FNBP1: variants seen among roughly 807,000 people sequenced by gnomAD.
FNBP1 encodes formin binding protein 1, also known as formin-binding protein 1.
A neutral mutation model predicts 90.6 loss-of-function variants in FNBP1; 26 were observed. The ratio of observed to expected loss-of-function variants is 0.29; its 90% confidence interval spans 0.21 to 0.40. The LOEUF is 0.40. Ranked by LOEUF, FNBP1 falls within the 10% of genes least tolerant of loss-of-function variation. FNBP1 has a pLI of 1.00. For synonymous variants in FNBP1, 260 were observed against 265.2 expected (o/e 0.98, Z 0.19); for missense variants, 635 against 768.0 (o/e 0.83, Z 2.05).
chr9:129,925,299 G>A, intron 8 of FNBP1, 142 bp from the exon 9 acceptor site: 3 of 635,816 alleles, frequency 4.7e-6, no homozygotes, highest in South Asian at 2.0e-5. Context: ...GAGGTCAGGA[G>A]ATCAAGACCA....
At chr9:129,963,386 CAT>C (rs894312660) in intron 4 of FNBP1, among the ~76,000 whole-genome samples, 16 of 152,132 alleles carry the variant, frequency 1.1e-4, no homozygotes, top group African/African-American at 3.6e-4. Context: ...TTGAAAAATC[CAT>C]AGAGTGGTTC....
intron 2 of FNBP1, among the ~76,000 whole-genome samples, chr9:129,985,588 G>A (rs1444890147): frequency 6.6e-6 from 1 of 152,126 alleles, no homozygotes; most frequent in African/African-American, 2.4e-5. Context: ...GGCCGAGGTG[G>A]GCAGGTCAAC....
Position 129,887,998 on chromosome 9 carries a change from A to C in FNBP1, c.*2541T>G, listed in dbSNP as rs1344830680. 2 of 232,608 alleles carry C rather than the reference A, an allele frequency of 8.6e-6. No homozygotes were observed. Among genetic ancestry groups the C allele is most frequent in the Non-Finnish European group, 1.7e-5 (2 of 117,694 alleles). 14.4% of individuals were successfully genotyped at this position (232,608 alleles called of 1,614,324 possible). Reference sequence around the variant, plus strand: ...AAGAAGCCCGGCTGGGGCAGCAGTGAGCTTTTCATGGAGCCACGCAGACTG... The same window carrying C: ...AAGAAGCCCGGCTGGGGCAGCAGTGCGCTTTTCATGGAGCCACGCAGACTG... On this transcript the variant is annotated 3_prime_UTR_variant, in exon 17 of 17. Coordinates refer to ENST00000446176, the MANE Select transcript of FNBP1 (RefSeq NM_015033.3).
intron 4 of FNBP1, among the ~76,000 whole-genome samples, chr9:129,977,701 A>C (rs997869925): frequency 5.9e-5 from 9 of 151,918 alleles, no homozygotes; most frequent in African/African-American, 2.2e-4. Context: ...CATGTTGACC[A>C]GCCTGATCGC....
intron 1 of FNBP1, among the ~76,000 whole-genome samples, chr9:130,018,034 C>A (rs956158986): frequency 6.0e-5 from 9 of 150,326 alleles, no homozygotes; most frequent in African/African-American, 2.0e-4. Flanking sequence ...CTGCCTCAGC[C>A]TCCCAAGTAG....
chr9:129,963,129 C>T (rs911411028), intron 4 of FNBP1, among the ~76,000 whole-genome samples: 2 of 152,188 alleles, frequency 1.3e-5, no homozygotes, highest in African/African-American at 4.8e-5. Context: ...AGCACCAATT[C>T]AGAGCTGTAC....
chr9:129,897,814 C>T (rs903628617), intron 15 of FNBP1, among the ~76,000 whole-genome samples: 1 of 151,950 alleles, frequency 6.6e-6, no homozygotes, highest in Non-Finnish European at 1.5e-5. Context: ...GGTTTAGAAA[C>T]ACTAAGCTAG....
At chr9:129,951,462 G>T (rs2132619207) in intron 6 of FNBP1, among the ~76,000 whole-genome samples, 1 of 131,898 alleles carries the variant, frequency 7.6e-6, no homozygotes. Context: ...GTTTGTTTGA[G>T]ACAGGATCTT....
intron 1 of FNBP1, among the ~76,000 whole-genome samples, chr9:130,024,252 C>G (rs995612878): frequency 6.6e-6 from 1 of 151,774 alleles, no homozygotes; most frequent in South Asian, 2.1e-4. Context: ...TCTACCCCCC[C>G]CAAAAAAACA....
At chr9:129,967,162 T>G (rs889322672) in intron 4 of FNBP1, among the ~76,000 whole-genome samples, 4 of 152,186 alleles carry the variant, frequency 2.6e-5, no homozygotes, top group Non-Finnish European at 4.4e-5. Context: ...TCCCATTTAT[T>G]GAGAACTGGA....
At chr9:130,030,595 C>T (rs2058717779) in intron 1 of FNBP1, among the ~76,000 whole-genome samples, 1 of 152,138 alleles carries the variant, frequency 6.6e-6, no homozygotes, top group African/African-American at 2.4e-5. Context: ...AAGCCTAGGG[C>T]TCCCATTGTC....
At chr9:129,898,542 G>C (rs923087339) in intron 15 of FNBP1, among the ~76,000 whole-genome samples, 48 of 151,950 alleles carry the variant, frequency 3.2e-4, no homozygotes, top group African/African-American at 1.1e-3. Flanking sequence ...CCAGGCTGGA[G>C]TAAAGTGGCA....
chr9:129,988,603 G>A (rs1345896658), intron 2 of FNBP1, among the ~76,000 whole-genome samples: 2 of 151,856 alleles, frequency 1.3e-5, no homozygotes, highest in African/African-American at 2.4e-5. Context: ...CTTGAACCCT[G>A]GAGGTGGAGG....
intron 1 of FNBP1, among the ~76,000 whole-genome samples, chr9:130,032,399 G>C (rs1240959633): frequency 6.6e-6 from 1 of 152,122 alleles, no homozygotes; most frequent in Non-Finnish European, 1.5e-5. Flanking sequence ...TTGAACGCCT[G>C]AGTTCAAGCT....
At chr9:129,956,528 A>G (rs2046967368) in intron 6 of FNBP1, among the ~76,000 whole-genome samples, 1 of 152,238 alleles carries the variant, frequency 6.6e-6, no homozygotes, top group Non-Finnish European at 1.5e-5. Flanking sequence ...TATACACTTT[A>G]TAATATTTCT....
At chr9:129,969,761 A>T (rs566642525) in intron 4 of FNBP1, among the ~76,000 whole-genome samples, 1 of 152,048 alleles carries the variant, frequency 6.6e-6, no homozygotes, top group Non-Finnish European at 1.5e-5. Context: ...ATTAAAAAAA[A>T]ATTTTTTTTT....
chr9:129,919,855 G>C (rs780075080), intron 10 of FNBP1, among the ~76,000 whole-genome samples: 1 of 152,172 alleles, frequency 6.6e-6, no homozygotes, highest in Non-Finnish European at 1.5e-5. Context: ...TAAATGAGAA[G>C]GTAGGAAGGG....
chr9:129,929,539 T>A, intron 7 of FNBP1, 28 bp downstream of exon 7: 1 of 1,608,794 alleles, frequency 6.2e-7, no homozygotes, highest in Non-Finnish European at 8.5e-7. Context: ...GCATAAAACA[T>A]GAAATCTGAG....
At chr9:130,023,124 G>A (rs1458772063) in intron 1 of FNBP1, among the ~76,000 whole-genome samples, 1 of 151,960 alleles carries the variant, frequency 6.6e-6, no homozygotes, top group Non-Finnish European at 1.5e-5. Flanking sequence ...TTGTAAGGGA[G>A]GGGGGAATTT....
Sources: gnomAD v4.1 joint callset for allele counts (sites outside exome capture counted in the v4.1 genomes callset) on GRCh38, gnomAD v4.1.1 for gene constraint, MANE v1.5 for transcripts, NCBI Gene and HGNC (gene_info 2026-07-23, HGNC 2026-07-21) for gene names.